LUZP1: variants seen among roughly 807,000 people sequenced by gnomAD.
LUZP1 encodes the protein filamin mechanobinding actin cross-linking protein.
Under a neutral mutation model 71.3 loss-of-function variants are expected in LUZP1, and 25 were observed. The ratio of observed to expected loss-of-function variants is 0.35; its 90% CI spans 0.26 to 0.49. LUZP1 has a LOEUF of 0.49. LUZP1 is among the 20% of genes least tolerant of loss of function. LUZP1 has a pLI of 0.99. For missense variants in LUZP1, 1,142 were observed against 1,300.8 expected, an observed-to-expected ratio of 0.88 and a Z score of 1.88; for synonymous variants, 481 against 506.4, an observed-to-expected ratio of 0.95 and a Z score of 0.67.
chr1:23,166,061 A>G (rs563719622), intron 2 of LUZP1, among the ~76,000 whole-genome samples: 221 of 152,054 alleles, frequency 1.5e-3, no homozygotes, highest in African/African-American at 4.8e-3. Context: ...AAAAAAAAAA[A>G]AAAAGAAAAG....
intron 2 of LUZP1, among the ~76,000 whole-genome samples, chr1:23,138,186 C>A (rs1328396717): frequency 6.6e-6 from 1 of 152,104 alleles, no homozygotes; most frequent in African/African-American, 2.4e-5. Flanking sequence ...GTTGCCCAGG[C>A]TGGTCTCGAA....
chr1:23,168,125 C>A (rs1400167956), intron 2 of LUZP1, among the ~76,000 whole-genome samples: 4 of 146,928 alleles, frequency 2.7e-5, no homozygotes, highest in South Asian at 2.1e-4. Flanking sequence ...CCGGCGCGGC[C>A]GACAGCTGCG....
intron 1 of LUZP1, among the ~76,000 whole-genome samples, chr1:23,173,215 G>A (rs1232369192): frequency 1.3e-5 from 2 of 151,544 alleles, no homozygotes; most frequent in African/African-American, 2.4e-5. Context: ...TATGATCTCT[G>A]CACTGCACTC....
chr1:23,118,200 G>A (rs748653254), intron 2 of LUZP1, among the ~76,000 whole-genome samples: 6 of 151,870 alleles, frequency 4.0e-5, no homozygotes, highest in Non-Finnish European at 7.4e-5. Context: ...TCAGGAGTTC[G>A]AGACCAGCCT....
chr1:23,177,073 TGG>T (rs10548114), intron 1 of LUZP1, among the ~76,000 whole-genome samples: 28,003 of 144,244 alleles, frequency 0.19, 2,709 homozygotes, highest in East Asian at 0.3. Flanking sequence ...GTAAGGATGA[TGG>T]GGGGGGGGTC....
chr1:23,126,767 C>T (rs1351296999), intron 2 of LUZP1, among the ~76,000 whole-genome samples: 2 of 152,188 alleles, frequency 1.3e-5, no homozygotes, highest in Non-Finnish European at 2.9e-5. Context: ...TTGATGTTTA[C>T]AGAATTCAGG....
At chr1:23,090,641 T>A in intron 4 of LUZP1, 1 of 564,384 alleles carries the variant, frequency 1.8e-6, no homozygotes, top group Non-Finnish European at 3.2e-6. Flanking sequence ...AAAGAAAGTG[T>A]CACTTGGAAT....
Position 23,096,570 on chromosome 1 carries a change from G to A in LUZP1, c.-119-2190C>T, listed in dbSNP as rs147919728. 5.8e-4 allele frequency among the ~76,000 whole-genome samples: 88 copies of A among 152,182 alleles called. 2 individuals are homozygous for A. In the East Asian group the frequency reaches 0.015, roughly 26 times the overall value. ...GAATCCTAAATCCTCGTAAGGATAC[G>A]GAAGAATGTATCACAAACAGAAAAT... On this transcript the variant is annotated intron_variant, in intron 3 of 4. Transcript: ENST00000302291.
intron 2 of LUZP1, among the ~76,000 whole-genome samples, chr1:23,114,209 C>G (rs546157892): frequency 6.6e-6 from 1 of 152,174 alleles, no homozygotes; most frequent in Non-Finnish European, 1.5e-5. Flanking sequence ...CAGAGAGAAA[C>G]AGAATAACTT....
At chr1:23,138,691 GTGTGTGTA>G (rs1173977928) in intron 2 of LUZP1, among the ~76,000 whole-genome samples, 14 of 106,324 alleles carry the variant, frequency 1.3e-4, no homozygotes, top group African/African-American at 5.7e-4. Flanking sequence ...GTGTGTGTGT[GTGTGTGTA>G]TATATATATA....
At chr1:23,128,006 C>A (rs1193342514) in intron 2 of LUZP1, among the ~76,000 whole-genome samples, 1 of 152,002 alleles carries the variant, frequency 6.6e-6, no homozygotes, top group Non-Finnish European at 1.5e-5. Flanking sequence ...TGGCACGTGC[C>A]TGTAATCCCA....
chr1:23,085,622 GGAC>G (rs979887566), exon 5 of LUZP1: 7 of 152,202 alleles, frequency 4.6e-5, no homozygotes, highest in East Asian at 1.9e-4. Context: ...AACTGCCCCA[GGAC>G]GACAAGTCCA....
At chr1:23,163,180 CA>C (rs1427135331) in intron 2 of LUZP1, among the ~76,000 whole-genome samples, 2 of 141,314 alleles carry the variant, frequency 1.4e-5, no homozygotes, top group African/African-American at 5.3e-5. Flanking sequence ...GTGGAAGTTG[CA>C]ATGAGCCGAG....
At chr1:23,139,007 A>G (rs1644278873) in intron 2 of LUZP1, among the ~76,000 whole-genome samples, 1 of 98,144 alleles carries the variant, frequency 1.0e-5, no homozygotes. Context: ...CAAAAAAAAA[A>G]AAAAAAAAAA....
At chr1:23,120,117 A>T (rs536509559) in intron 2 of LUZP1, among the ~76,000 whole-genome samples, 8 of 152,100 alleles carry the variant, frequency 5.3e-5, no homozygotes, top group African/African-American at 1.7e-4. Context: ...TAAGTTTTGT[A>T]AGTTTTGTAG....
At position 23,136,247 on chromosome 1, in the gene LUZP1, C is replaced by T. The variant is rs528325910; in HGVS notation, c.-225-27120G>A. Among the ~76,000 whole-genome samples, 265 of 150,616 alleles carry T rather than the reference C, an allele frequency of 1.8e-3. 2 individuals carry two copies. The highest frequency in any genetic ancestry group is 3.4e-3 in the Middle Eastern group (1 of 292). ...CAGGGCCAGGCGCAGTGGCTCACACCTGTAATCCCAGCACTTTGGGAGGCT... is the reference window on the plus strand; with the variant it reads ...CAGGGCCAGGCGCAGTGGCTCACACTTGTAATCCCAGCACTTTGGGAGGCT... On this transcript the variant is annotated intron_variant, in intron 2 of 4. Coordinates refer to ENST00000302291, the Ensembl canonical transcript of LUZP1.
chr1:23,155,999 T>C (rs146755832), intron 2 of LUZP1, among the ~76,000 whole-genome samples: 1 of 152,328 alleles, frequency 6.6e-6, no homozygotes, highest in Non-Finnish European at 1.5e-5. Context: ...AACAGAGATT[T>C]ATGTTTAGAA....
chr1:23,107,778 C>T (rs1569579706), intron 3 of LUZP1, among the ~76,000 whole-genome samples: 2 of 152,166 alleles, frequency 1.3e-5, no homozygotes, highest in South Asian at 4.2e-4. Context: ...CAGTGCACTC[C>T]AGCCTCGGCA....
At chr1:23,097,524 C>T (rs570682778) in intron 3 of LUZP1, among the ~76,000 whole-genome samples, 1 of 152,298 alleles carries the variant, frequency 6.6e-6, no homozygotes, top group South Asian at 2.1e-4. Context: ...AAAAGATCTG[C>T]TCTTAGACTA....
Sources: gnomAD v4.1 joint callset for allele counts (sites outside exome capture counted in the v4.1 genomes callset) on GRCh38, gnomAD v4.1.1 for gene constraint, MANE v1.5 for transcripts, NCBI Gene and HGNC (gene_info 2026-07-23, HGNC 2026-07-21) for gene names.